Variants in JAKMIP2 observed in about 807,000 individuals in gnomAD.
JAKMIP2 encodes the protein janus kinase and microtubule-interacting protein 2.
Under a neutral mutation model 115.0 loss-of-function variants are expected in JAKMIP2, and 25 were observed. That is an observed-to-expected ratio of 0.22 (90% confidence interval 0.16 to 0.30). The LOEUF (loss-of-function observed/expected upper bound fraction) is 0.30. Among genes scored for constraint, JAKMIP2 ranks in the 10% least tolerant of loss-of-function variants. JAKMIP2 has a pLI of 1.00. For missense variants in JAKMIP2, 642 were observed against 957.6 expected, an observed-to-expected ratio of 0.67 and a Z score of 4.35; for synonymous variants, 334 against 343.6, an observed-to-expected ratio of 0.97 and a Z score of 0.31.
intron 3 of JAKMIP2, among the ~76,000 whole-genome samples, chr5:147,656,683 A>G (rs1758692523): frequency 6.6e-6 from 1 of 152,194 alleles, no homozygotes; most frequent in Non-Finnish European, 1.5e-5. Context: ...TAGCCCATTT[A>G]CATTTAAGGT....
chr5:147,702,974 A>C (rs1752434265), intron 1 of JAKMIP2, among the ~76,000 whole-genome samples: 1 of 152,184 alleles, frequency 6.6e-6, no homozygotes, highest in South Asian at 2.1e-4. Context: ...ATTTCAAAGA[A>C]GTAAAGAATC....
intron 1 of JAKMIP2, among the ~76,000 whole-genome samples, chr5:147,711,484 T>C (rs916315641): frequency 3.9e-5 from 6 of 152,118 alleles, no homozygotes; most frequent in African/African-American, 1.4e-4. Flanking sequence ...AAAGGGGGCA[T>C]ATTGGTTAAG....
intron 14 of JAKMIP2, among the ~76,000 whole-genome samples, 197 bp downstream of exon 14, chr5:147,631,216 A>T (rs2126684922): frequency 6.6e-6 from 1 of 152,274 alleles, no homozygotes; most frequent in Non-Finnish European, 1.5e-5. Flanking sequence ...TTCTGTTATC[A>T]TTTGTATATC....
At chr5:147,719,214 A>G (rs1753149869) in intron 1 of JAKMIP2, among the ~76,000 whole-genome samples, 1 of 130,942 alleles carries the variant, frequency 7.6e-6, no homozygotes, top group South Asian at 2.6e-4. Context: ...TCTGAGATAT[A>G]GTTTGTTATA....
intron 1 of JAKMIP2, among the ~76,000 whole-genome samples, chr5:147,774,520 A>G (rs1755484733): frequency 6.6e-6 from 1 of 152,188 alleles, no homozygotes; most frequent in Non-Finnish European, 1.5e-5. Context: ...ACAATAGCCT[A>G]GATTTTACAG....
intron 21 of JAKMIP2, 29 bp downstream of exon 21, chr5:147,601,712 C>A (rs2126585228): frequency 6.8e-7 from 1 of 1,474,932 alleles, no homozygotes; most frequent in South Asian, 1.3e-5. Flanking sequence ...CTCTTAGAAC[C>A]ACATTTTGAG....
At chr5:147,703,200 T>C (rs1016824408) in intron 1 of JAKMIP2, among the ~76,000 whole-genome samples, 2 of 152,130 alleles carry the variant, frequency 1.3e-5, no homozygotes, top group Non-Finnish European at 2.9e-5. Flanking sequence ...TCATAGAATG[T>C]ACTTATACAA....
intron 20 of JAKMIP2, among the ~76,000 whole-genome samples, chr5:147,603,174 A>G (rs1755802362): frequency 6.6e-6 from 1 of 152,150 alleles, no homozygotes; most frequent in Non-Finnish European, 1.5e-5. Context: ...TTGGAGTCAG[A>G]CACCCTGACC....
chr5:147,725,164 C>T (rs151317806), intron 1 of JAKMIP2, among the ~76,000 whole-genome samples: 173 of 152,110 alleles, frequency 1.1e-3, no homozygotes, highest in Admixed American at 3.2e-3. Context: ...TGATAGTTCA[C>T]AAATGTCATG....
chr5:147,693,591 G>T (rs749595466), intron 1 of JAKMIP2, among the ~76,000 whole-genome samples: 4 of 151,980 alleles, frequency 2.6e-5, no homozygotes, highest in Non-Finnish European at 4.4e-5. Flanking sequence ...TAAAAAAAGG[G>T]GCTGAAAACA....
chr5:147,691,758 C>T (rs1161525071), intron 1 of JAKMIP2, among the ~76,000 whole-genome samples: 6 of 152,066 alleles, frequency 3.9e-5, no homozygotes, highest in African/African-American at 1.5e-4. Context: ...TGGAGGTAGA[C>T]CTGGAGCAAA....
intron 20 of JAKMIP2, among the ~76,000 whole-genome samples, chr5:147,611,250 G>T (rs1227124503): frequency 6.6e-6 from 1 of 152,202 alleles, no homozygotes; most frequent in African/African-American, 2.4e-5. Flanking sequence ...AACTCATGCA[G>T]CTAGCTCAGT....
intron 20 of JAKMIP2, among the ~76,000 whole-genome samples, chr5:147,607,912 T>G (rs1756114038): frequency 6.6e-6 from 1 of 152,140 alleles, no homozygotes; most frequent in Admixed American, 6.5e-5. Context: ...GGAGGGTGTA[T>G]GTGTCCAGGA....
intron 21 of JAKMIP2, among the ~76,000 whole-genome samples, chr5:147,595,262 G>C (rs1278260266): frequency 6.6e-6 from 1 of 152,158 alleles, no homozygotes; most frequent in Admixed American, 6.5e-5. Flanking sequence ...CAAAATTCAT[G>C]CTGAAAGTTA....
At chr5:147,688,110 C>T (rs759354213) in intron 1 of JAKMIP2, among the ~76,000 whole-genome samples, 2 of 152,212 alleles carry the variant, frequency 1.3e-5, no homozygotes, top group Non-Finnish European at 2.9e-5. Flanking sequence ...GCCTTTAGAA[C>T]TCTCAGATGA....
Position 147,756,949 on chromosome 5 carries a change from A to G in JAKMIP2, c.-149+25507T>C, listed in dbSNP as rs556039400. Among the ~76,000 whole-genome samples, 4 of 152,256 alleles carry G rather than the reference A, an allele frequency of 2.6e-5. No individual in the cohort carries two copies. The South Asian group carries it at 6.2e-4, about 24-fold the overall frequency. On this transcript the variant is annotated intron_variant, in intron 1 of 21. Transcript: ENST00000616793. ...CATATTTTATAGTAGGTGCTCAATAAATGCTTATTTTCTTCCCCTTCACAC... is the reference window on the plus strand; with the variant it reads ...CATATTTTATAGTAGGTGCTCAATAGATGCTTATTTTCTTCCCCTTCACAC...
chr5:147,743,779 G>A (rs1427695171), intron 1 of JAKMIP2, among the ~76,000 whole-genome samples: 1 of 152,086 alleles, frequency 6.6e-6, no homozygotes, highest in East Asian at 1.9e-4. Flanking sequence ...CTACCAGAAG[G>A]CCCTTGAAGC....
At chr5:147,739,674 T>C (rs1436505089) in intron 1 of JAKMIP2, among the ~76,000 whole-genome samples, 1 of 151,966 alleles carries the variant, frequency 6.6e-6, no homozygotes, top group Non-Finnish European at 1.5e-5. Context: ...GTTCAAGCAA[T>C]ACCTTCTCGG....
At chr5:147,663,125 T>C (rs967542680) in intron 2 of JAKMIP2, among the ~76,000 whole-genome samples, 54 of 152,188 alleles carry the variant, frequency 3.5e-4, no homozygotes, top group African/African-American at 1.3e-3. Flanking sequence ...ACCTTTCCAG[T>C]TGAAAAATCT....
Sources: gnomAD v4.1 joint callset for allele counts (sites outside exome capture counted in the v4.1 genomes callset) on GRCh38, gnomAD v4.1.1 for gene constraint, MANE v1.5 for transcripts, NCBI Gene and HGNC (gene_info 2026-07-23, HGNC 2026-07-21) for gene names.